AARS1: variants seen among roughly 807,000 people sequenced by gnomAD.
AARS1 encodes the protein alanyl-tRNA synthetase 1.
In AARS1, 72 loss-of-function variants were observed where a neutral mutation model predicts 108.9. The observed-to-expected ratio is 0.66, with a 90% CI of 0.55 to 0.80. AARS1 has a LOEUF of 0.80. Among genes scored for constraint, AARS1 ranks in the 30% least tolerant of loss-of-function variants. The pLI is 0.00. For synonymous variants in AARS1, 489 were observed against 465.7 expected, an observed-to-expected ratio of 1.05 and a Z score of -0.64; for missense variants, 1,193 against 1,233.2, an observed-to-expected ratio of 0.97 and a Z score of 0.49.
chr16:70,252,599 G>A lies in AARS1; in HGVS notation c.*122C>T. 1.8e-6 allele frequency: 2 copies of A among 1,120,240 alleles called. No homozygotes were observed. The highest frequency in any genetic ancestry group is 2.7e-6 in the Non-Finnish European group (2 of 754,590). The allele number at this position is 1,120,240 out of a possible 1,614,324, so 69.4% of individuals were successfully genotyped here. ...GAGACATAGGACTGCTCCCAAGTGT[G>A]TTCCAGTTACTGCTGGGTTAGGAGG... On this transcript the variant is annotated 3_prime_UTR_variant, in exon 21 of 21. Coordinates refer to ENST00000261772, the MANE Select transcript of AARS1 (RefSeq NM_001605.3).
At position 70,267,725 on chromosome 16, in the gene AARS1, G is replaced by C. The variant is rs765518869; in HGVS notation, c.1156C>G (p.Leu386Val). Residue 386 changes from leucine (L) to valine (V), a missense_variant, in exon 9 of 21, where the codon CTC becomes GTC. By Grantham distance (32) the Leu-to-Val change is conservative. Coordinates refer to ENST00000261772, the MANE Select transcript of AARS1 (RefSeq NM_001605.3). ...TCCAGGATGCGACGCCCTCTGCTGA[G>C]AGTCTTGAGAAACTGCACCTCTTCT... ...NEEEVQFLKT[L>V]SRGRRILDRK... 9.9e-6 allele frequency: 16 copies of C among 1,614,050 alleles called. No individual in the cohort carries two copies. Among genetic ancestry groups the C allele is most frequent in the Non-Finnish European group, 4.2e-6 (5 of 1,180,050 alleles).
intron 4 of AARS1, among the ~76,000 whole-genome samples, chr16:70,272,770 A>C (rs1363206242): frequency 6.8e-6 from 1 of 147,910 alleles, no homozygotes; most frequent in African/African-American, 2.6e-5. Flanking sequence ...ATACAAAAAA[A>C]AATTAGCTGG....
At position 70,284,956 on chromosome 16, in the gene AARS1, G is replaced by A. The variant is rs140901604; in HGVS notation, c.-21-2172C>T. Among the ~76,000 whole-genome samples the A allele has an allele frequency of 1.5e-3, 228 of 152,290 alleles. 1 individual carries two copies. Among genetic ancestry groups the A allele is most frequent in the African/African-American group, 5.3e-3 (222 of 41,568 alleles). On this transcript the variant is annotated intron_variant, in intron 1 of 20. Coordinates refer to ENST00000261772, the MANE Select transcript of AARS1 (RefSeq NM_001605.3). ...TAAAATGGAAAACGTTACGCCACGT[G>A]CGGTGGCTCACACCTGTAATCCCAG... is the stretch of plus-strand genomic sequence containing the variant.
chr16:70,285,631 T>C (rs1170214274), intron 1 of AARS1, among the ~76,000 whole-genome samples: 1 of 152,118 alleles, frequency 6.6e-6, no homozygotes, highest in Non-Finnish European at 1.5e-5. Context: ...GTATTTTTAA[T>C]AGAGACAGGG....
intron 4 of AARS1, among the ~76,000 whole-genome samples, chr16:70,274,908 C>T (rs1360080751): frequency 6.6e-6 from 1 of 151,544 alleles, no homozygotes; most frequent in Non-Finnish European, 1.5e-5. Flanking sequence ...TTACAACACA[C>T]GTGTAACTTT....
intron 2 of AARS1, among the ~76,000 whole-genome samples, chr16:70,279,754 T>A (rs1468423097): frequency 6.6e-6 from 1 of 151,706 alleles, no homozygotes; most frequent in East Asian, 1.9e-4. Flanking sequence ...GTGACAAAGC[T>A]TGCACCCAGG....
chr16:70,276,382 C>G (rs1960550913), intron 4 of AARS1, 104 bp downstream of exon 4: 9 of 1,341,434 alleles, frequency 6.7e-6, no homozygotes, highest in South Asian at 1.2e-5. Context: ...CAAAAGGAAC[C>G]CTGAGATGCA....
intron 15 of AARS1, 140 bp downstream of exon 15, chr16:70,257,893 T>G: frequency 1.1e-6 from 1 of 891,670 alleles, no homozygotes; most frequent in South Asian, 1.4e-5. Flanking sequence ...GCTGAGATTC[T>G]TGGGAACGCT....
At chr16:70,260,544 T>C (rs1290201699) in intron 13 of AARS1, among the ~76,000 whole-genome samples, 1 of 152,192 alleles carries the variant, frequency 6.6e-6, no homozygotes, top group Non-Finnish European at 1.5e-5. Context: ...CTGAAATCAC[T>C]GGTGAAATCA....
intron 1 of AARS1, among the ~76,000 whole-genome samples, chr16:70,284,224 C>A (rs573378574): frequency 6.8e-6 from 1 of 148,004 alleles, no homozygotes; most frequent in African/African-American, 2.5e-5. Flanking sequence ...GAGAATGGCA[C>A]GAACCCAGGA....
intron 7 of AARS1, among the ~76,000 whole-genome samples, chr16:70,269,406 G>A (rs1423591052): frequency 6.8e-6 from 1 of 147,444 alleles, no homozygotes; most frequent in Non-Finnish European, 1.5e-5. Flanking sequence ...GCGTGGTGGT[G>A]TGCACCTATA....
intron 12 of AARS1, among the ~76,000 whole-genome samples, chr16:70,261,671 A>ATTTTT (rs11385686): frequency 1.5e-5 from 2 of 131,808 alleles, no homozygotes; most frequent in Admixed American, 7.8e-5. Context: ...GCATCTTAGA[A>ATTTTT]TTTTTTTTTT....
rs1057518288 is a variant in AARS1, at chr16:70,262,502, C to A, written c.1515G>T (p.Thr505=). 6.2e-7 allele frequency: 1 copy of A among 1,613,422 alleles called. No homozygotes were observed. The highest frequency in any genetic ancestry group is 2.2e-5 in the East Asian group (1 of 44,880). ...TCTTCTCCCTGCGCAGAGCCATCAC[C>A]GTAGCCACTGTGTTCTCAAATACTG... ...GSYVFENTVA[T]VMALRREKMF... Residue 505 remains threonine, a synonymous_variant, in exon 12 of 21, where the codon ACG becomes ACT. Transcript: ENST00000261772.
At position 70,265,067 on chromosome 16, in the gene AARS1, G is replaced by A. The variant is rs1309363954; in HGVS notation, c.1383C>T (p.Asp461=). 2 of 1,614,112 alleles carry A rather than the reference G, an allele frequency of 1.2e-6. No homozygotes were observed. The highest frequency in any genetic ancestry group is 2.2e-5 in the East Asian group (1 of 44,880). Residue 461 remains aspartate (D), a synonymous_variant, in exon 11 of 21, where the codon GAC becomes GAT. Transcript: ENST00000261772. ...TAGCGTAAATGTCCAGCATAATGAG[G>A]TCTTCCCCACCAGCTCCCTTGCCCT... ...KSQGKGAGGE[D]LIMLDIYAIE...
Position 70,271,858 on chromosome 16 carries a change from C to A in AARS1, c.594G>T (p.Arg198=), listed in dbSNP as rs1960411808. 8 of 1,613,798 alleles carry A rather than the reference C, an allele frequency of 5.0e-6. No homozygotes were observed. The East Asian group carries it at 1.8e-4, about 36-fold the overall frequency. ...CCTGGTTGACAAGATGTGCGGCGTC[C>A]CGACCACCAATCCGGTCGTAGTGGA... ...SEIHYDRIGG[R]DAAHLVNQDD... is the part of the protein sequence containing the mutation. The change falls in exon 5 of 21, where the codon CGG becomes CGT. Residue 198 remains arginine (R), a synonymous_variant. Coordinates refer to ENST00000261772, the MANE Select transcript of AARS1 (RefSeq NM_001605.3).
chr16:70,266,359 G>A lies in AARS1; in HGVS notation c.1223-697C>T, dbSNP rs1004844867. Among the ~76,000 whole-genome samples, 13 of 151,134 alleles carry A rather than the reference G, an allele frequency of 8.6e-5. No individual in the cohort carries two copies. In the South Asian group the frequency reaches 1.0e-3, roughly 12 times the overall value. On this transcript the variant is annotated intron_variant, in intron 9 of 20. Coordinates refer to ENST00000261772, the MANE Select transcript of AARS1 (RefSeq NM_001605.3). ...AATAAATAAAAAAATTGCCAGGCGC[G>A]GTGGCGGACACCTGTAGTCCCAGCT...
intron 6 of AARS1, 74 bp downstream of exon 6, chr16:70,270,122 C>T (rs1175368636): frequency 1.3e-6 from 2 of 1,576,134 alleles, no homozygotes; most frequent in African/African-American, 2.7e-5. Flanking sequence ...GTCATTTTTT[C>T]TTTGACAGCA....
chr16:70,289,124 T>A (rs1231672281), intron 1 of AARS1, among the ~76,000 whole-genome samples: 1 of 152,062 alleles, frequency 6.6e-6, no homozygotes, highest in Non-Finnish European at 1.5e-5. Context: ...AGCTGGCCCA[T>A]CCTTCCTCCC....
intron 7 of AARS1, 50 bp from the exon 8 acceptor site, chr16:70,268,429 CTT>C: frequency 6.6e-7 from 1 of 1,521,160 alleles, no homozygotes; most frequent in Admixed American, 1.7e-5. Flanking sequence ...AGGGTTTTGT[CTT>C]GAGTCCCTTG....
Sources: gnomAD v4.1 joint callset for allele counts (sites outside exome capture counted in the v4.1 genomes callset) on GRCh38, gnomAD v4.1.1 for gene constraint, MANE v1.5 for transcripts, NCBI Gene and HGNC (gene_info 2026-07-23, HGNC 2026-07-21) for gene names.